Variants in HOOK1 observed in about 807,000 individuals in gnomAD.
HOOK1 encodes hook microtubule tethering protein 1.
HOOK1 carries 60 observed loss-of-function variants against 112.8 expected under a neutral mutation model. That is an observed-to-expected ratio of 0.53 (90% CI 0.43 to 0.66). The LOEUF is 0.66. HOOK1 is among the 30% of genes least tolerant of loss of function. The pLI is 0.00. For missense variants in HOOK1, 770 were observed against 856.0 expected (o/e 0.90, Z 1.25); for synonymous variants, 294 against 283.8 (o/e 1.04, Z -0.36).
Position 59,865,849 on chromosome 1 carries a change from C to T in HOOK1, c.1745-23C>T, listed in dbSNP as rs748067210. ...TAGTAAATATTAATAACTGATTATG[C>T]TTCATTTTATTTTTACTAATAGTAC... On this transcript the variant is annotated intron_variant, in intron 18 of 21. Transcript: ENST00000371208. 9 of 1,205,086 alleles carry T rather than the reference C, an allele frequency of 7.5e-6. No homozygotes were observed. In the East Asian group the frequency reaches 2.0e-4, roughly 27 times the overall value. The allele number at this position is 1,205,086 out of a possible 1,614,324, so 74.6% of individuals were successfully genotyped here.
At chr1:59,853,059 G>A (rs1444536870) in intron 12 of HOOK1, among the ~76,000 whole-genome samples, 2 of 151,892 alleles carry the variant, frequency 1.3e-5, no homozygotes, top group Non-Finnish European at 1.5e-5. Flanking sequence ...GGTCTGTTCT[G>A]CAGAGTGTTC....
Position 59,868,349 on chromosome 1 carries a change from G to C in HOOK1, c.1945G>C (p.Glu649Gln). 1 of 1,553,900 alleles carries C rather than the reference G, an allele frequency of 6.4e-7. No homozygotes were observed. The highest frequency in any genetic ancestry group is 8.9e-7 in the Non-Finnish European group (1 of 1,127,494). ...GAAAGAGAGAAGAATTGAGATTCTG[G>C]AGGTAAAACTTTTATATTTACTCAT... ...AEKERRIEIL[E>Q]SECKVAKFRD... is the part of the protein sequence containing the mutation. Residue 649 changes from glutamate to glutamine, a missense_variant and splice_region_variant, in exon 20 of 22, where the codon GAG (glutamate) becomes CAG (glutamine). Physicochemically the swap from Glu to Gln is conservative, Grantham distance 29 (BLOSUM62 2). Transcript: ENST00000371208.
In HOOK1 at chr1:59,836,886, A is replaced by C. The variant is rs759854898; in HGVS notation, c.488A>C (p.Glu163Ala). 2.5e-6 allele frequency: 4 copies of C among 1,581,650 alleles called. No homozygotes were observed. In the Admixed American group the frequency reaches 5.0e-5, roughly 20 times the overall value. Residue 163 changes from glutamate (E) to alanine (A), a missense_variant, in exon 7 of 22, where the codon GAA becomes GCA. Physicochemically the swap from Glu to Ala is moderately radical, Grantham distance 107 (BLOSUM62 -1). This residue lies in a region of HOOK1 where 655 missense variants were observed against 725.9 expected (regional missense o/e 0.90). Transcript: ENST00000371208. Reference protein sequence around the residue: ...MTAIQELMSKEILSSPPNDAV... With the variant: ...MTAIQELMSKAILSSPPNDAV... Reference sequence around the variant, plus strand: ...TTAATTTCCTAGTTGATGAGTAAAGAAATATTGAGCTCTCCTCCAAATGAT... The same window carrying C: ...TTAATTTCCTAGTTGATGAGTAAAGCAATATTGAGCTCTCCTCCAAATGAT...
chr1:59,825,328 G>T (rs1309588041), intron 2 of HOOK1, among the ~76,000 whole-genome samples: 1 of 152,162 alleles, frequency 6.6e-6, no homozygotes, highest in Non-Finnish European at 1.5e-5. Context: ...TTCACTTTAA[G>T]CACCAGTTAA....
In HOOK1 at chr1:59,868,352, G is replaced by T. The variant is rs774964535; in HGVS notation, c.1947+1G>T. 1 of 1,540,158 alleles carries T rather than the reference G, an allele frequency of 6.5e-7. No homozygotes were observed. The highest frequency in any genetic ancestry group is 9.0e-7 in the Non-Finnish European group (1 of 1,115,288). On this transcript the variant is annotated splice_donor_variant, in intron 20 of 21. Transcript: ENST00000371208. LOFTEE classifies it high-confidence loss of function. ...AGAGAGAAGAATTGAGATTCTGGAG[G>T]TAAAACTTTTATATTTACTCATCTT... is the stretch of plus-strand genomic sequence containing the variant.
chr1:59,848,132 G>A (rs1253759970), intron 10 of HOOK1, among the ~76,000 whole-genome samples, 183 bp from the exon 11 acceptor site: 1 of 151,580 alleles, frequency 6.6e-6, no homozygotes, highest in African/African-American at 2.4e-5. Context: ...ACTTTAAATG[G>A]ATTTAGGCTA....
chr1:59,858,647 G>A (rs559753637), intron 13 of HOOK1, 132 bp downstream of exon 13: 5 of 667,426 alleles, frequency 7.5e-6, no homozygotes, highest in South Asian at 1.8e-5. Flanking sequence ...TGAGGCGGGA[G>A]GATCACTTGA....
intron 1 of HOOK1, among the ~76,000 whole-genome samples, chr1:59,821,240 G>A (rs1399924507): frequency 1.3e-5 from 2 of 151,870 alleles, no homozygotes; most frequent in Admixed American, 6.6e-5. Context: ...TTATTATTCC[G>A]CTTCTCTTCA....
At chr1:59,840,452 T>C in intron 8 of HOOK1, 61 bp downstream of exon 8, 1 of 1,042,974 alleles carries the variant, frequency 9.6e-7, no homozygotes, top group Non-Finnish European at 1.3e-6. Flanking sequence ...AAGATTTTTA[T>C]TGTAATTAAT....
Position 59,868,288 on chromosome 1 carries a change from A to T in HOOK1, c.1884A>T (p.Ser628=), listed in dbSNP as rs757145796. ...TGGATCCCAAGTTAAATCCAGCATC[A>T]GCTGAAATAATGCTACTAAGAAAGC... ...KTLDPKLNPA[S]AEIMLLRKQL... Residue 628 remains serine, a synonymous_variant, in exon 20 of 22, where the codon TCA becomes TCT. Transcript: ENST00000371208. 2.5e-6 allele frequency: 4 copies of T among 1,611,290 alleles called. No homozygotes were observed. The highest frequency in any genetic ancestry group is 1.3e-5 in the African/African-American group (1 of 74,964).
Position 59,871,025 on chromosome 1 carries a change from T to G in HOOK1, c.1948-17T>G. On this transcript the variant is annotated splice_polypyrimidine_tract_variant and intron_variant, in intron 20 of 21. Transcript: ENST00000371208. The stretch of plus-strand genomic sequence containing the variant: ...GTAATTTCTGGGATTTTAATTGTTC[T>G]CATATCTTTTTTCCAGAGTGAATGC... The G allele has an allele frequency of 6.5e-7, 1 of 1,536,482 alleles. No homozygotes were observed. The highest frequency in any genetic ancestry group is 1.1e-5 in the South Asian group (1 of 88,768).
chr1:59,833,474 G>C lies in HOOK1; in HGVS notation c.343G>C (p.Val115Leu). ...LNQITECSDP[V>L]ELGRLLQLIL... ...CCAAATAACCGAATGTTCAGATCCA[G>C]TGGAGCTTGGGAGGTTGCTCCAGCT... Residue 115 changes from valine (V) to leucine (L), a missense_variant, in exon 5 of 22, where the codon GTG becomes CTG. By Grantham distance (32) the Val-to-Leu change is conservative. Coordinates refer to ENST00000371208, the MANE Select transcript of HOOK1 (RefSeq NM_015888.6). The C allele has an allele frequency of 6.3e-7, 1 of 1,594,222 alleles. No homozygotes were observed. The highest frequency in any genetic ancestry group is 8.6e-7 in the Non-Finnish European group (1 of 1,166,538).
At position 59,843,567 on chromosome 1, in the gene HOOK1, C is replaced by A; in HGVS notation, c.757C>A (p.Gln253Lys). Residue 253 changes from glutamine to lysine, a missense_variant, in exon 9 of 22, where the codon CAA becomes AAA. Physicochemically the swap from Gln to Lys is moderately conservative, Grantham distance 53. Around this residue, in one of 3 missense-constraint regions of HOOK1, gnomAD observed 655 missense variants for 725.9 expected, o/e 0.90. Transcript: ENST00000371208. Reference protein sequence around the residue: ...VAKKYFHAQLQLEQLQEENFR... With the variant: ...VAKKYFHAQLKLEQLQEENFR... ...AAAAAAGTATTTTCATGCACAATTA[C>A]AACTAGAACAATTACAGGAAGAAAA... 1 of 1,600,694 alleles carries A rather than the reference C, an allele frequency of 6.2e-7. No homozygotes were observed. Among genetic ancestry groups the A allele is most frequent in the Non-Finnish European group, 8.5e-7 (1 of 1,175,206 alleles).
At chr1:59,858,690 T>C (rs1339995180) in intron 13 of HOOK1, among the ~76,000 whole-genome samples, 175 bp downstream of exon 13, 1 of 150,500 alleles carries the variant, frequency 6.6e-6, no homozygotes, top group African/African-American at 2.5e-5. Flanking sequence ...TGAGCTATGA[T>C]TGTACCACTG....
At chr1:59,869,830 C>G (rs1445243692) in intron 20 of HOOK1, among the ~76,000 whole-genome samples, 1 of 152,138 alleles carries the variant, frequency 6.6e-6, no homozygotes, top group African/African-American at 2.4e-5. Flanking sequence ...TAAACTTTCC[C>G]TGTATTCCTT....
intron 12 of HOOK1, among the ~76,000 whole-genome samples, chr1:59,854,031 TATATA>T (rs1559056992): frequency 1.1e-3 from 34 of 29,902 alleles, no homozygotes; most frequent in African/African-American, 1.8e-3. Context: ...TATATATATA[TATATA>T]TATTTTTTTT....
intron 8 of HOOK1, among the ~76,000 whole-genome samples, chr1:59,843,028 T>C (rs2098401794): frequency 6.6e-6 from 1 of 151,994 alleles, no homozygotes; most frequent in African/African-American, 2.4e-5. Context: ...ATGATAACTT[T>C]GAACATATGT....
intron 13 of HOOK1, 149 bp from the exon 14 acceptor site, chr1:59,858,836 A>C (rs993916134): frequency 2.1e-4 from 43 of 203,514 alleles, no homozygotes; most frequent in Non-Finnish European, 3.4e-4. Context: ...GAGGGAGGGG[A>C]GGGGAGGGGA....
Position 59,840,187 on chromosome 1 carries a change from A to T in HOOK1, c.538-121A>T, listed in dbSNP as rs572852457. ...GTAAGAGTCATTTCTTATTAGGTAA[A>T]TTCAAAAAATAATTTCCCATATCAG... On this transcript the variant is annotated intron_variant, in intron 7 of 21. Transcript: ENST00000371208. The T allele has an allele frequency of 5.4e-5, 27 of 498,818 alleles. No homozygotes were observed. The East Asian group carries it at 7.8e-4, about 14-fold the overall frequency. The allele number at this position is 498,818 out of a possible 1,614,324, so 30.9% of individuals were successfully genotyped here. A position where few individuals can be genotyped will look rare whatever the true frequency, so the allele number is the denominator to read the frequency against.
Sources: gnomAD v4.1 joint callset for allele counts (sites outside exome capture counted in the v4.1 genomes callset) on GRCh38, gnomAD v4.1.1 for gene constraint, gnomAD v4.1.1 regional missense constraint, MANE v1.5 for transcripts, NCBI Gene and HGNC (gene_info 2026-07-23, HGNC 2026-07-21) for gene names.